The following BCAS4 variants were observed in gnomAD, a reference collection of about 807,000 sequenced individuals.
BCAS4 encodes the protein breast carcinoma amplified sequence 4, also known as breast carcinoma-amplified sequence 4.
In BCAS4, 9 loss-of-function variants were observed where a neutral mutation model predicts 15.7. That is an observed-to-expected ratio of 0.57 (90% CI 0.34 to 1.00). The LOEUF (loss-of-function observed/expected upper bound fraction) is 1.00. BCAS4 is among the 50% of genes least tolerant of loss of function. The pLI is 0.02. For synonymous variants in BCAS4, 101 were observed against 99.5 expected (o/e 1.02, Z -0.09); for missense variants, 225 against 239.1 (o/e 0.94, Z 0.39).
intron 3 of BCAS4, among the ~76,000 whole-genome samples, chr20:50,839,669 A>G (rs940286011): frequency 6.6e-6 from 1 of 151,912 alleles, no homozygotes; most frequent in African/African-American, 2.4e-5. Context: ...CACTCGGCTA[A>G]TTTTTTTTGT....
chr20:50,814,141 G>GT, intron 1 of BCAS4, among the ~76,000 whole-genome samples: 3 of 152,240 alleles, frequency 2.0e-5, no homozygotes, highest in Middle Eastern at 6.8e-3. Context: ...TCTTGGGCTT[G>GT]TTTCTCCCTT....
intron 1 of BCAS4, among the ~76,000 whole-genome samples, chr20:50,805,980 A>AG (rs1433100571): frequency 1.3e-5 from 2 of 151,996 alleles, no homozygotes; most frequent in Non-Finnish European, 2.9e-5. Flanking sequence ...CCATCTCAAA[A>AG]AAAAAAAAAA....
rs185263961 is a variant in BCAS4, at chr20:50,821,625, C to A, written c.162+3343C>A. On this transcript the variant is annotated intron_variant, in intron 2 of 4. Transcript: ENST00000371608. ...TGTCACACCACGGACCACTGTCCCC[C>A]CAGGTCCCTGCCTCGGTCTTCAGAA... Among the ~76,000 whole-genome samples, 18 of 152,296 alleles carry A rather than the reference C, an allele frequency of 1.2e-4. No individual in the cohort carries two copies. The East Asian group carries it at 2.1e-3, about 18-fold the overall frequency.
At chr20:50,799,675 G>A (rs890166290) in intron 1 of BCAS4, among the ~76,000 whole-genome samples, 1 of 152,136 alleles carries the variant, frequency 6.6e-6, no homozygotes, top group Middle Eastern at 3.2e-3. Flanking sequence ...CTTCAGCCTC[G>A]GTATGTGCCA....
chr20:50,861,016 C>A (rs1187182714), intron 4 of BCAS4, among the ~76,000 whole-genome samples: 1 of 149,472 alleles, frequency 6.7e-6, no homozygotes, highest in East Asian at 2.0e-4. Context: ...AAAAAAAAGT[C>A]TGGATACGTT....
rs896344020 is a variant in BCAS4 at position 50,876,523 on chromosome 20, C to T, written c.437C>T (p.Pro146Leu). ...PAPVPVTYEL[P>L]TLYRTEDYFP... ...CCGGTGCCCGTGACGTACGAGCTGC[C>T]CACACTGTATAGGACGGAGGACTAT... The change falls in exon 5 of 5, where the codon CCC becomes CTC. Residue 146 changes from proline (P) to leucine (L), a missense_variant. Coordinates refer to ENST00000371608, the MANE Select transcript of BCAS4 (RefSeq NM_198799.4). The T allele has an allele frequency of 3.7e-6, 6 of 1,613,840 alleles. No individual in the cohort carries two copies. The highest frequency in any genetic ancestry group is 5.1e-6 in the Non-Finnish European group (6 of 1,179,990).
At position 50,797,911 on chromosome 20, in the gene BCAS4, C is replaced by T. The variant is rs192687012; in HGVS notation, c.90+2738C>T. Among the ~76,000 whole-genome samples the T allele has an allele frequency of 5.2e-3, 796 of 152,048 alleles. 3 individuals are homozygous for T. Among genetic ancestry groups the T allele is most frequent in the Middle Eastern group, 0.027 (8 of 294 alleles). On this transcript the variant is annotated intron_variant, in intron 1 of 4. Transcript: ENST00000371608. ...AACTCCTAGCCTCAGGTGATCTGCCCGCCTCGGCCTCCCAAAGTGCTGGGA... is the reference window on the plus strand; with the variant it reads ...AACTCCTAGCCTCAGGTGATCTGCCTGCCTCGGCCTCCCAAAGTGCTGGGA...
chr20:50,874,932 G>A (rs893768534), intron 4 of BCAS4, among the ~76,000 whole-genome samples: 1 of 152,190 alleles, frequency 6.6e-6, no homozygotes, highest in African/African-American at 2.4e-5. Context: ...GGGAGCTGGG[G>A]GACAGGGTTA....
At chr20:50,836,386 A>AC (rs2088410623) in intron 3 of BCAS4, among the ~76,000 whole-genome samples, 1 of 151,942 alleles carries the variant, frequency 6.6e-6, no homozygotes, top group African/African-American at 2.4e-5. Context: ...TTCAAGGAAG[A>AC]CCCCCATCTC....
At chr20:50,822,214 C>T (rs1226445389) in intron 2 of BCAS4, among the ~76,000 whole-genome samples, 1 of 152,152 alleles carries the variant, frequency 6.6e-6, no homozygotes, top group Non-Finnish European at 1.5e-5. Context: ...CGTAGCATGG[C>T]TGTTTGACCT....
chr20:50,799,853 C>T (rs1188791313), intron 1 of BCAS4, among the ~76,000 whole-genome samples: 5 of 152,060 alleles, frequency 3.3e-5, no homozygotes, highest in Non-Finnish European at 5.9e-5. Context: ...CCCAGGAGTT[C>T]GAGACCAGCC....
chr20:50,850,060 G>A (rs1474454631), intron 4 of BCAS4, among the ~76,000 whole-genome samples: 6 of 152,096 alleles, frequency 3.9e-5, no homozygotes, highest in South Asian at 4.1e-4. Flanking sequence ...GTACCTCTTC[G>A]TCCCCTCCAC....
At chr20:50,813,834 G>A (rs1347833124) in intron 1 of BCAS4, among the ~76,000 whole-genome samples, 1 of 149,216 alleles carries the variant, frequency 6.7e-6, no homozygotes, top group African/African-American at 2.5e-5. Context: ...GCAGGTGTTT[G>A]TTTAAAAAAA....
intron 1 of BCAS4, among the ~76,000 whole-genome samples, chr20:50,815,570 G>A (rs187808144): frequency 6.6e-6 from 1 of 152,286 alleles, no homozygotes; most frequent in African/African-American, 2.4e-5. Context: ...GGGTTGGGTG[G>A]GGGAATGATC....
intron 4 of BCAS4, among the ~76,000 whole-genome samples, chr20:50,848,624 C>T (rs992373464): frequency 6.6e-6 from 1 of 152,238 alleles, no homozygotes. Context: ...AAATTTGCTT[C>T]ACTTGGCAAG....
intron 1 of BCAS4, among the ~76,000 whole-genome samples, chr20:50,805,896 G>A (rs145374048): frequency 0.019 from 2,924 of 151,486 alleles, 101 homozygotes; most frequent in African/African-American, 0.068. Context: ...AAAATTGCTT[G>A]AACCTGGGAG....
At chr20:50,833,508 C>G (rs951755166) in intron 3 of BCAS4, among the ~76,000 whole-genome samples, 2 of 152,190 alleles carry the variant, frequency 1.3e-5, no homozygotes, top group Non-Finnish European at 1.5e-5. Flanking sequence ...CTATTAGCAT[C>G]CCTCCAACCC....
Position 50,853,950 on chromosome 20 carries a change from CA to C in BCAS4, c.399+12055del, listed in dbSNP as rs557970596. Among the ~76,000 whole-genome samples the C allele has an allele frequency of 2.0e-4, 31 of 152,120 alleles. 1 individual carries two copies. Among genetic ancestry groups the C allele is most frequent in the Non-Finnish European group, 3.1e-4 (21 of 67,984 alleles). ...TGTACCCTCCCCGCAGTGTAACAAC[CA>C]AAAAGGAGTCCATAAATTGCCAGCT... On this transcript the variant is annotated intron_variant, in intron 4 of 4. Coordinates refer to ENST00000371608, the MANE Select transcript of BCAS4 (RefSeq NM_198799.4).
intron 3 of BCAS4, among the ~76,000 whole-genome samples, chr20:50,832,010 T>C (rs1021756011): frequency 6.6e-5 from 10 of 152,252 alleles, no homozygotes; most frequent in African/African-American, 2.4e-4. Context: ...ATGTGAAGAC[T>C]TGCAGCCTGG....
Sources: gnomAD v4.1 joint callset for allele counts (sites outside exome capture counted in the v4.1 genomes callset) on GRCh38, gnomAD v4.1.1 for gene constraint, MANE v1.5 for transcripts, NCBI Gene and HGNC (gene_info 2026-07-23, HGNC 2026-07-21) for gene names.